Variants in CBFA2T2 observed in about 807,000 individuals in gnomAD.
The protein encoded by CBFA2T2 is CBFA2/RUNX1 partner transcriptional co-repressor 2.
In CBFA2T2, 11 loss-of-function variants were observed where a neutral mutation model predicts 62.2. The ratio of observed to expected loss-of-function variants is 0.18; its 90% CI spans 0.11 to 0.29. The LOEUF (loss-of-function observed/expected upper bound fraction) is 0.29. CBFA2T2 is among the 10% of genes least tolerant of loss of function. The pLI, the probability that CBFA2T2 is intolerant of heterozygous loss-of-function variation, is 1.00. For missense variants in CBFA2T2, 592 were observed against 774.1 expected (o/e 0.76, Z 2.79); for synonymous variants, 295 against 287.5 (o/e 1.03, Z -0.27).
At chr20:33,566,281 A>T (rs1409057100) in intron 1 of CBFA2T2, among the ~76,000 whole-genome samples, 1 of 152,038 alleles carries the variant, frequency 6.6e-6, no homozygotes, top group Admixed American at 6.6e-5. Context: ...GATTTTTTTT[A>T]AAAGGTGAAA....
chr20:33,540,457 T>C (rs926840099), intron 1 of CBFA2T2, among the ~76,000 whole-genome samples: 2 of 152,194 alleles, frequency 1.3e-5, no homozygotes, highest in African/African-American at 4.8e-5. Context: ...TATCTAAACA[T>C]AGAAACTGTA....
chr20:33,534,616 T>G (rs1370353147), intron 1 of CBFA2T2, among the ~76,000 whole-genome samples: 1 of 152,132 alleles, frequency 6.6e-6, no homozygotes, highest in Non-Finnish European at 1.5e-5. Flanking sequence ...CCCAGCCTGT[T>G]GAGGTTTTTT....
At chr20:33,530,983 C>T (rs1020889689) in intron 1 of CBFA2T2, among the ~76,000 whole-genome samples, 4 of 151,844 alleles carry the variant, frequency 2.6e-5, no homozygotes, top group East Asian at 1.9e-4. Context: ...TAATCCAGGC[C>T]GTGGCAGGAG....
chr20:33,580,001 G>C (rs531223375), intron 1 of CBFA2T2, among the ~76,000 whole-genome samples: 2 of 152,026 alleles, frequency 1.3e-5, no homozygotes, highest in East Asian at 3.9e-4. Flanking sequence ...TTTTTTAGTA[G>C]AGACGGGGTT....
intron 1 of CBFA2T2, among the ~76,000 whole-genome samples, chr20:33,515,975 C>G (rs2011593559): frequency 6.6e-6 from 1 of 151,894 alleles, no homozygotes; most frequent in Admixed American, 6.6e-5. Flanking sequence ...AAGAATGCAT[C>G]TCTACAAAAC....
chr20:33,611,171 G>A lies in CBFA2T2; in HGVS notation c.256G>A (p.Ala86Thr), dbSNP rs769712931. Reference protein sequence around the residue: ...SPPQRFSNGPASSTSSALTNQ... With the variant: ...SPPQRFSNGPTSSTSSALTNQ... ...GCCACAGAGATTCAGCAATGGTCCT[G>A]CCTCCTCCACATCATCTGCACTCAC... is the stretch of plus-strand genomic sequence containing the variant. Residue 86 changes from alanine (A) to threonine (T), a missense_variant, in exon 3 of 11, where the codon GCC becomes ACC. By Grantham distance (58) the Ala-to-Thr change is moderately conservative. Transcript: ENST00000342704. 3 of 1,614,154 alleles carry A rather than the reference G, an allele frequency of 1.9e-6. No homozygotes were observed. The South Asian group carries it at 3.3e-5, about 18-fold the overall frequency.
At chr20:33,575,934 C>T (rs1420887153) in intron 1 of CBFA2T2, among the ~76,000 whole-genome samples, 1 of 151,852 alleles carries the variant, frequency 6.6e-6, no homozygotes, top group East Asian at 1.9e-4. Context: ...CCAGCCACCA[C>T]GCCTGGCTAA....
chr20:33,580,781 G>C (rs956653683), intron 1 of CBFA2T2, among the ~76,000 whole-genome samples: 1 of 152,152 alleles, frequency 6.6e-6, no homozygotes, highest in Non-Finnish European at 1.5e-5. Context: ...CTGAGCCCAA[G>C]AGGTTGAGAC....
At chr20:33,574,304 A>G (rs770281706) in intron 1 of CBFA2T2, 18 of 1,581,312 alleles carry the variant, frequency 1.1e-5, no homozygotes, top group Non-Finnish European at 1.5e-5. Flanking sequence ...CTAATTTAAT[A>G]ACAGAAATAT....
intron 3 of CBFA2T2, among the ~76,000 whole-genome samples, chr20:33,611,968 A>G (rs1469952905): frequency 2.0e-5 from 3 of 152,192 alleles, no homozygotes; most frequent in Non-Finnish European, 4.4e-5. Flanking sequence ...TTTGTAATTT[A>G]ATATATTCAG....
At chr20:33,501,857 C>G (rs147342768) in intron 1 of CBFA2T2, among the ~76,000 whole-genome samples, 65 of 152,084 alleles carry the variant, frequency 4.3e-4, no homozygotes, top group Non-Finnish European at 6.5e-4. Flanking sequence ...CCTGGATGGT[C>G]TGGATCTCCT....
intron 4 of CBFA2T2, among the ~76,000 whole-genome samples, chr20:33,622,428 A>G (rs1451970823): frequency 6.6e-6 from 1 of 152,096 alleles, no homozygotes; most frequent in Non-Finnish European, 1.5e-5. Flanking sequence ...TTTCTACTTT[A>G]TGTTTTTTTT....
At chr20:33,531,015 G>A (rs536648714) in intron 1 of CBFA2T2, among the ~76,000 whole-genome samples, 11 of 152,094 alleles carry the variant, frequency 7.2e-5, no homozygotes, top group Non-Finnish European at 1.0e-4. Flanking sequence ...CCTAGGAGGC[G>A]GAGGTTGCAG....
chr20:33,517,486 G>A (rs2011622897), intron 1 of CBFA2T2, among the ~76,000 whole-genome samples: 5 of 136,044 alleles, frequency 3.7e-5, no homozygotes. Flanking sequence ...GTCTCGCTCT[G>A]TTGTCCAGAC....
chr20:33,493,068 G>GTTT lies in CBFA2T2; in HGVS notation c.34+2789_34+2791dup, dbSNP rs1157324208. 4.0e-3 allele frequency among the ~76,000 whole-genome samples: 354 copies of GTTT among 88,052 alleles called. 3 individuals are homozygous for GTTT. The highest frequency in any genetic ancestry group is 0.011 in the Middle Eastern group (1 of 90). 57.8% of individuals were successfully genotyped at this position (88,052 alleles called of 152,430 possible). ...GCACCCGCCCTTGATTGAAGTTTTG[G>GTTT]TTTTTTTTTTTTTTTTTTTTTTTTG... On this transcript the variant is annotated intron_variant, in intron 1 of 10. Transcript: ENST00000342704.
chr20:33,584,265 T>C (rs1296653715), intron 1 of CBFA2T2, among the ~76,000 whole-genome samples: 1 of 148,884 alleles, frequency 6.7e-6, no homozygotes, highest in Non-Finnish European at 1.5e-5. Flanking sequence ...GTGACTTTTT[T>C]TTTTCTTTTT....
chr20:33,522,301 C>T (rs755781295), intron 1 of CBFA2T2, among the ~76,000 whole-genome samples: 4 of 147,104 alleles, frequency 2.7e-5, no homozygotes, highest in Admixed American at 8.6e-5. Flanking sequence ...CTTTCAGAAA[C>T]GAGTAGTGAA....
chr20:33,557,004 CTTTTTTT>C (rs751836572), intron 1 of CBFA2T2, among the ~76,000 whole-genome samples: 24 of 46,202 alleles, frequency 5.2e-4, no homozygotes, highest in South Asian at 2.0e-3. Flanking sequence ...GCATGCTTAT[CTTTTTTT>C]TTTTTTTTTT....
chr20:33,516,507 G>A (rs1329268225), intron 1 of CBFA2T2, among the ~76,000 whole-genome samples: 2 of 151,812 alleles, frequency 1.3e-5, no homozygotes, highest in Admixed American at 6.6e-5. Flanking sequence ...AGGTGCAGTG[G>A]CTCACGCCTA....
Sources: gnomAD v4.1 joint callset for allele counts (sites outside exome capture counted in the v4.1 genomes callset) on GRCh38, gnomAD v4.1.1 for gene constraint, MANE v1.5 for transcripts, NCBI Gene and HGNC (gene_info 2026-07-23, HGNC 2026-07-21) for gene names.